The following IFT74 variants were observed in gnomAD, a reference collection of about 807,000 sequenced individuals.
IFT74 encodes the protein intraflagellar transport 74.
Under a neutral mutation model 96.7 loss-of-function variants are expected in IFT74, and 92 were observed. The observed-to-expected ratio is 0.95, with a 90% confidence interval of 0.80 to 1.13. The LOEUF (loss-of-function observed/expected upper bound fraction) is 1.13. Ranked by LOEUF, IFT74 falls within the 50% of genes most tolerant of loss-of-function variation. The pLI, the probability that IFT74 is intolerant of heterozygous loss-of-function variation, is 0.00. For missense variants in IFT74, 811 were observed against 698.2 expected, an observed-to-expected ratio of 1.16 and a Z score of -1.82; for synonymous variants, 223 against 213.2, an observed-to-expected ratio of 1.05 and a Z score of -0.40.
intron 1 of IFT74, among the ~76,000 whole-genome samples, chr9:26,951,037 C>T (rs907769219): frequency 6.6e-6 from 1 of 152,208 alleles, no homozygotes; most frequent in African/African-American, 2.4e-5. Context: ...CTGGATCCCC[C>T]TCCCATATGC....
At chr9:26,961,251 C>A (rs986584518) in intron 1 of IFT74, among the ~76,000 whole-genome samples, 1 of 150,632 alleles carries the variant, frequency 6.6e-6, no homozygotes, top group African/African-American at 2.4e-5. Flanking sequence ...CCACCACGCC[C>A]AGCTAATTTT....
At chr9:26,993,466 G>A (rs1157286384) in intron 8 of IFT74, 1 of 152,416 alleles carries the variant, frequency 6.6e-6, no homozygotes, top group East Asian at 1.9e-4. Flanking sequence ...AAGCAAATAT[G>A]TATTATAAAT....
At chr9:26,962,174 G>A in intron 2 of IFT74, 87 bp downstream of exon 2, 3 of 1,331,544 alleles carry the variant, frequency 2.3e-6, no homozygotes, top group African/African-American at 2.9e-5. Flanking sequence ...AGTGAACTCT[G>A]ATCATGCCAC....
chr9:27,041,245 A>G (rs1819463733), intron 13 of IFT74, among the ~76,000 whole-genome samples: 2 of 152,182 alleles, frequency 1.3e-5, no homozygotes, highest in South Asian at 4.1e-4. Context: ...CCTTGCTGGT[A>G]TAATTCCTGT....
At chr9:26,989,991 C>A in intron 7 of IFT74, 143 bp from the exon 8 acceptor site, 1 of 427,012 alleles carries the variant, frequency 2.3e-6, no homozygotes, top group Non-Finnish European at 4.3e-6. Context: ...GAGGCAATTA[C>A]TTTATTTTTC....
intron 12 of IFT74, among the ~76,000 whole-genome samples, chr9:27,028,654 G>C (rs1423369126): frequency 6.6e-6 from 1 of 152,008 alleles, no homozygotes; most frequent in Non-Finnish European, 1.5e-5. Context: ...TATTCGGGAG[G>C]CTGAGGCAGG....
chr9:27,025,060 A>G (rs1243475804), intron 12 of IFT74, among the ~76,000 whole-genome samples: 1 of 152,114 alleles, frequency 6.6e-6, no homozygotes, highest in East Asian at 1.9e-4. Context: ...TTCCTGAGGA[A>G]GAAGACAAAC....
chr9:26,995,671 A>G (rs771218135), intron 8 of IFT74: 1 of 1,613,948 alleles, frequency 6.2e-7, no homozygotes, highest in Non-Finnish European at 8.5e-7. Context: ...TTGGATTTCC[A>G]GTAAAACCAT....
At chr9:27,052,367 G>A (rs1819962713) in intron 16 of IFT74, among the ~76,000 whole-genome samples, 1 of 152,044 alleles carries the variant, frequency 6.6e-6, no homozygotes, top group South Asian at 2.1e-4. Flanking sequence ...AAATTAGCCT[G>A]TGTGGTGGTG....
chr9:27,017,152 G>C, intron 11 of IFT74, 102 bp downstream of exon 11: 1 of 830,700 alleles, frequency 1.2e-6, no homozygotes, highest in Non-Finnish European at 1.8e-6. Flanking sequence ...AAGCTAGTAA[G>C]TGTATTGTCT....
chr9:27,016,844 C>T (rs1183419992), intron 10 of IFT74, 63 bp from the exon 11 acceptor site: 2 of 1,324,524 alleles, frequency 1.5e-6, no homozygotes, highest in Non-Finnish European at 2.1e-6. Flanking sequence ...TAAACTGAAA[C>T]CTATTTTAGA....
At chr9:26,984,593 A>C (rs374402991) in intron 6 of IFT74, 34 bp downstream of exon 6, 643 of 1,518,228 alleles carry the variant, frequency 4.2e-4, no homozygotes, top group Non-Finnish European at 5.5e-4. Flanking sequence ...TTTACTGTTA[A>C]TATTTTCATT....
intron 15 of IFT74, 64 bp from the exon 16 acceptor site, chr9:27,048,084 A>G (rs1819770801): frequency 8.7e-7 from 1 of 1,153,020 alleles, no homozygotes. Flanking sequence ...GTTTTCCAAG[A>G]GTTTTATTGA....
chr9:26,981,222 C>T (rs555246945), intron 4 of IFT74, among the ~76,000 whole-genome samples: 1 of 152,168 alleles, frequency 6.6e-6, no homozygotes, highest in Non-Finnish European at 1.5e-5. Flanking sequence ...GGGACTCAAA[C>T]ATTCAAACCA....
At chr9:27,040,731 G>A (rs1011294012) in intron 13 of IFT74, among the ~76,000 whole-genome samples, 67 of 151,976 alleles carry the variant, frequency 4.4e-4, no homozygotes, top group African/African-American at 1.4e-3. Flanking sequence ...TGCTGAGTTG[G>A]GGACCTTGAG....
chr9:26,968,256 TA>T (rs201109433), intron 2 of IFT74, among the ~76,000 whole-genome samples: 7,135 of 141,096 alleles, frequency 0.051, 235 homozygotes, highest in South Asian at 0.14. Context: ...TTTTTTAAAT[TA>T]AAAAAAAATT....
intron 4 of IFT74, 134 bp downstream of exon 4, chr9:26,980,753 C>A: frequency 1.7e-6 from 1 of 575,484 alleles, no homozygotes; most frequent in Non-Finnish European, 3.0e-6. Flanking sequence ...CTATTGATTT[C>A]TAAAAATTAT....
At chr9:26,954,701 A>G (rs989656453), upstream of IFT74, among the ~76,000 whole-genome samples, 2 of 151,780 alleles carry the variant, frequency 1.3e-5, no homozygotes, top group Admixed American at 1.3e-4. Flanking sequence ...GCAGAGGGAC[A>G]AAGATTCCAG....
At chr9:26,984,404 C>T in intron 5 of IFT74, 49 bp downstream of exon 5, 1 of 1,578,238 alleles carries the variant, frequency 6.3e-7, no homozygotes, top group South Asian at 1.2e-5. Context: ...GCTTATAATA[C>T]TAACTTTGTA....
Sources: gnomAD v4.1 joint callset for allele counts (sites outside exome capture counted in the v4.1 genomes callset) on GRCh38, gnomAD v4.1.1 for gene constraint, MANE v1.5 for transcripts, NCBI Gene and HGNC (gene_info 2026-07-23, HGNC 2026-07-21) for gene names.